The following NCAM2 variants were observed in gnomAD, a reference collection of about 807,000 sequenced individuals.
NCAM2 encodes the protein neural cell adhesion molecule 2.
NCAM2 carries 30 observed loss-of-function variants against 98.1 expected under a neutral mutation model. The ratio of observed to expected loss-of-function variants is 0.31; its 90% confidence interval spans 0.23 to 0.41. NCAM2 has a LOEUF of 0.41. Ranked by LOEUF, NCAM2 falls within the 10% of genes least tolerant of loss-of-function variation. NCAM2 has a pLI of 1.00. For synonymous variants in NCAM2, 368 were observed against 342.4 expected (o/e 1.07, Z -0.83); for missense variants, 867 against 1,005.8 (o/e 0.86, Z 1.87).
intron 1 of NCAM2, among the ~76,000 whole-genome samples, chr21:21,190,265 C>T (rs962919368): frequency 6.6e-6 from 1 of 152,154 alleles, no homozygotes; most frequent in African/African-American, 2.4e-5. Context: ...TTTCCAAAAA[C>T]CTACAGAATG....
At chr21:21,217,649 G>T (rs2069960945) in intron 1 of NCAM2, among the ~76,000 whole-genome samples, 1 of 152,082 alleles carries the variant, frequency 6.6e-6, no homozygotes, top group African/African-American at 2.4e-5. Flanking sequence ...CTCAATAATT[G>T]ATTTTAAACT....
chr21:21,036,807 G>A (rs2064808597), intron 1 of NCAM2, among the ~76,000 whole-genome samples: 1 of 152,114 alleles, frequency 6.6e-6, no homozygotes, highest in Non-Finnish European at 1.5e-5. Context: ...TTTCAAAGCT[G>A]CCCTCAGAAA....
At chr21:21,323,317 T>C (rs1293171793) in intron 5 of NCAM2, among the ~76,000 whole-genome samples, 1 of 152,082 alleles carries the variant, frequency 6.6e-6, no homozygotes. Flanking sequence ...TGTATCTAAA[T>C]TCATAAGGGC....
chr21:21,090,528 A>G (rs147513940), intron 1 of NCAM2, among the ~76,000 whole-genome samples: 1 of 152,136 alleles, frequency 6.6e-6, no homozygotes, highest in African/African-American at 2.4e-5. Context: ...CTTCCTTTTC[A>G]AGAAATATCC....
At chr21:21,089,042 A>G (rs1216044894) in intron 1 of NCAM2, among the ~76,000 whole-genome samples, 1 of 150,826 alleles carries the variant, frequency 6.6e-6, no homozygotes, top group Non-Finnish European at 1.5e-5. Flanking sequence ...TAGGTTTACA[A>G]TTTTGGTATT....
intron 11 of NCAM2, among the ~76,000 whole-genome samples, chr21:21,419,845 G>T (rs968487348): frequency 6.6e-6 from 1 of 152,074 alleles, no homozygotes; most frequent in East Asian, 1.9e-4. Flanking sequence ...CTTTATAGCA[G>T]CATGATTTAT....
intron 1 of NCAM2, among the ~76,000 whole-genome samples, chr21:21,130,846 CTGGTAATTTA>C (rs2066918697): frequency 6.6e-6 from 1 of 152,038 alleles, no homozygotes; most frequent in African/African-American, 2.4e-5. Flanking sequence ...AAAATATAAG[CTGGTAATTTA>C]TTACCATTTT....
At chr21:21,205,511 G>A (rs1468171118) in intron 1 of NCAM2, among the ~76,000 whole-genome samples, 2 of 151,976 alleles carry the variant, frequency 1.3e-5, no homozygotes, top group Non-Finnish European at 2.9e-5. Flanking sequence ...TTAATAACTA[G>A]TGACACATTA....
chr21:21,469,765 A>G (rs1206262621), intron 14 of NCAM2, among the ~76,000 whole-genome samples: 1 of 152,042 alleles, frequency 6.6e-6, no homozygotes, highest in Non-Finnish European at 1.5e-5. Context: ...ATATTTTAAT[A>G]ATTAATTTTA....
chr21:21,476,533 T>A (rs1403222831), intron 14 of NCAM2, among the ~76,000 whole-genome samples: 1 of 152,052 alleles, frequency 6.6e-6, no homozygotes, highest in Non-Finnish European at 1.5e-5. Flanking sequence ...ATAATCACAC[T>A]GTTTTAGATA....
intron 14 of NCAM2, among the ~76,000 whole-genome samples, chr21:21,470,080 T>TA (rs1223590513): frequency 1.3e-5 from 2 of 152,060 alleles, no homozygotes; most frequent in Non-Finnish European, 2.9e-5. Context: ...CAGTGGACTC[T>TA]AAAATGCAAT....
chr21:21,059,473 C>T (rs1212801854), intron 1 of NCAM2, among the ~76,000 whole-genome samples: 3 of 152,032 alleles, frequency 2.0e-5, no homozygotes, highest in Non-Finnish European at 4.4e-5. Flanking sequence ...TATGCCAAGA[C>T]TGTTTTATAA....
intron 6 of NCAM2, among the ~76,000 whole-genome samples, chr21:21,333,425 A>C (rs78098385): frequency 3.9e-4 from 59 of 152,304 alleles, no homozygotes; most frequent in African/African-American, 1.4e-3. Flanking sequence ...CTCCTGCTCA[A>C]AAAAGTTGTA....
chr21:21,057,861 T>C (rs1304586416), intron 1 of NCAM2, among the ~76,000 whole-genome samples: 1 of 151,914 alleles, frequency 6.6e-6, no homozygotes, highest in Admixed American at 6.6e-5. Flanking sequence ...ATTCTGACCT[T>C]CTCTATGGGA....
chr21:21,265,802 T>C (rs1469584153), intron 1 of NCAM2, among the ~76,000 whole-genome samples: 1 of 152,050 alleles, frequency 6.6e-6, no homozygotes, highest in East Asian at 1.9e-4. Context: ...TACTGAGTAC[T>C]ACTCACTGTG....
intron 1 of NCAM2, among the ~76,000 whole-genome samples, chr21:21,098,822 A>T (rs553327331): frequency 2.6e-3 from 397 of 151,930 alleles, no homozygotes; most frequent in Non-Finnish European, 4.5e-3. Flanking sequence ...AATTTTTTTT[A>T]AAAAATTCAG....
intron 1 of NCAM2, among the ~76,000 whole-genome samples, chr21:21,141,324 T>A (rs1350842020): frequency 6.6e-6 from 1 of 152,192 alleles, no homozygotes; most frequent in Non-Finnish European, 1.5e-5. Flanking sequence ...CCTTTAATGA[T>A]GTTAGCAGCT....
At chr21:21,340,701 C>T (rs1201958795) in intron 8 of NCAM2, among the ~76,000 whole-genome samples, 5 of 151,890 alleles carry the variant, frequency 3.3e-5, no homozygotes, top group African/African-American at 1.2e-4. Flanking sequence ...CACTTCTTTT[C>T]CCCTAATATT....
intron 6 of NCAM2, among the ~76,000 whole-genome samples, chr21:21,333,216 C>T (rs2074764273): frequency 6.6e-6 from 1 of 151,982 alleles, no homozygotes; most frequent in East Asian, 1.9e-4. Context: ...GGTAATATTC[C>T]CTTATTTATG....
Sources: gnomAD v4.1 joint callset for allele counts (sites outside exome capture counted in the v4.1 genomes callset) on GRCh38, gnomAD v4.1.1 for gene constraint, MANE v1.5 for transcripts, NCBI Gene and HGNC (gene_info 2026-07-23, HGNC 2026-07-21) for gene names.